The following ARHGAP15 variants were observed in gnomAD, a reference collection of about 807,000 sequenced individuals.
The protein encoded by ARHGAP15 is rho GTPase-activating protein 15.
Under a neutral mutation model 63.7 loss-of-function variants are expected in ARHGAP15, and 51 were observed. The ratio of observed to expected loss-of-function variants is 0.80; its 90% CI spans 0.64 to 1.01. ARHGAP15 has a LOEUF of 1.01. ARHGAP15 is among the 50% of genes least tolerant of loss of function. ARHGAP15 has a pLI of 0.00. For missense variants in ARHGAP15, 560 were observed against 564.6 expected (o/e 0.99, Z 0.08); for synonymous variants, 191 against 193.8 (o/e 0.99, Z 0.12).
intron 13 of ARHGAP15, among the ~76,000 whole-genome samples, chr2:143,743,164 G>A (rs73961850): frequency 5.3e-5 from 8 of 152,328 alleles, no homozygotes; most frequent in African/African-American, 1.9e-4. Context: ...AAACTCAGGT[G>A]AGCCGGGTTT....
intron 8 of ARHGAP15, among the ~76,000 whole-genome samples, chr2:143,481,975 T>C (rs1483758800): frequency 1.3e-5 from 2 of 152,204 alleles, no homozygotes; most frequent in African/African-American, 4.8e-5. Context: ...CCTATTGTTA[T>C]TGAAAATTCT....
intron 12 of ARHGAP15, among the ~76,000 whole-genome samples, chr2:143,666,398 C>T (rs997739171): frequency 2.6e-5 from 4 of 152,244 alleles, no homozygotes; most frequent in African/African-American, 9.6e-5. Flanking sequence ...CGCTTCCTTA[C>T]ACCTTATACA....
At chr2:143,499,715 A>G (rs1348245083) in intron 9 of ARHGAP15, among the ~76,000 whole-genome samples, 1 of 152,064 alleles carries the variant, frequency 6.6e-6, no homozygotes, top group Non-Finnish European at 1.5e-5. Context: ...GGAAGTATAA[A>G]CTGTCATAAT....
intron 13 of ARHGAP15, among the ~76,000 whole-genome samples, chr2:143,716,203 T>C (rs973570254): frequency 2.0e-5 from 3 of 152,160 alleles, no homozygotes; most frequent in Non-Finnish European, 4.4e-5. Flanking sequence ...ACTCTTAATA[T>C]TAAGACTGCA....
At chr2:143,724,800 A>C (rs1187555655) in intron 13 of ARHGAP15, among the ~76,000 whole-genome samples, 1 of 152,240 alleles carries the variant, frequency 6.6e-6, no homozygotes, top group African/African-American at 2.4e-5. Flanking sequence ...AAAGGAAAAA[A>C]ATGTAGAAAA....
chr2:143,631,598 TG>T (rs1699074841), intron 12 of ARHGAP15, among the ~76,000 whole-genome samples: 2 of 152,136 alleles, frequency 1.3e-5, no homozygotes, highest in Non-Finnish European at 2.9e-5. Context: ...ATGTGCTTAT[TG>T]GCCATTCCAT....
At chr2:143,637,487 T>C (rs1232382236) in intron 12 of ARHGAP15, among the ~76,000 whole-genome samples, 1 of 152,010 alleles carries the variant, frequency 6.6e-6, no homozygotes, top group African/African-American at 2.4e-5. Flanking sequence ...TTCAAAAGAC[T>C]TATGTCACCT....
intron 8 of ARHGAP15, among the ~76,000 whole-genome samples, chr2:143,479,904 A>G (rs1289722359): frequency 5.3e-5 from 8 of 151,908 alleles, no homozygotes; most frequent in Non-Finnish European, 1.2e-4. Flanking sequence ...ACTCTGGCTT[A>G]TAAAAGGAAA....
At chr2:143,696,809 C>T (rs1246841029) in intron 12 of ARHGAP15, among the ~76,000 whole-genome samples, 1 of 152,070 alleles carries the variant, frequency 6.6e-6, no homozygotes, top group Non-Finnish European at 1.5e-5. Context: ...AGTTCCAACT[C>T]TCAGGTGATC....
chr2:143,513,564 C>T (rs1693678094), intron 9 of ARHGAP15, among the ~76,000 whole-genome samples: 1 of 152,198 alleles, frequency 6.6e-6, no homozygotes, highest in Non-Finnish European at 1.5e-5. Flanking sequence ...TTCAGTTTCA[C>T]TCCTCTACTG....
At chr2:143,380,977 C>T (rs894811005) in intron 6 of ARHGAP15, among the ~76,000 whole-genome samples, 3 of 152,046 alleles carry the variant, frequency 2.0e-5, no homozygotes, top group African/African-American at 4.8e-5. Flanking sequence ...GTTAGTTAAG[C>T]GAAGCTGTAT....
intron 6 of ARHGAP15, among the ~76,000 whole-genome samples, chr2:143,359,141 A>G (rs1685932826): frequency 1.3e-5 from 2 of 152,312 alleles, no homozygotes; most frequent in South Asian, 4.1e-4. Context: ...ATGTTTTTCT[A>G]TTAAGTGGTA....
At chr2:143,427,977 CT>C (rs1307472511) in intron 6 of ARHGAP15, among the ~76,000 whole-genome samples, 1 of 152,010 alleles carries the variant, frequency 6.6e-6, no homozygotes, top group Non-Finnish European at 1.5e-5. Context: ...CTTAGTGTTC[CT>C]TATGTGTCTG....
intron 13 of ARHGAP15, among the ~76,000 whole-genome samples, chr2:143,714,415 G>C (rs1248516710): frequency 6.6e-6 from 1 of 152,230 alleles, no homozygotes; most frequent in Non-Finnish European, 1.5e-5. Context: ...TGTGATGGGA[G>C]GGGCTGCCAT....
At chr2:143,384,733 G>A (rs899767185) in intron 6 of ARHGAP15, among the ~76,000 whole-genome samples, 1 of 152,252 alleles carries the variant, frequency 6.6e-6, no homozygotes, top group African/African-American at 2.4e-5. Context: ...TCATCTGGAT[G>A]TATTTGTAAG....
At chr2:143,200,349 G>A (rs113998830) in intron 2 of ARHGAP15, among the ~76,000 whole-genome samples, 3,061 of 150,976 alleles carry the variant, frequency 0.02, 111 homozygotes, top group African/African-American at 0.071. Context: ...GTATAGAGTC[G>A]TGGAATTTTT....
At chr2:143,730,929 CTTTTTTTTT>C (rs1191514139) in intron 13 of ARHGAP15, among the ~76,000 whole-genome samples, 2 of 87,326 alleles carry the variant, frequency 2.3e-5, no homozygotes, top group Non-Finnish European at 3.8e-5. Flanking sequence ...GGGAAAAAGG[CTTTTTTTTT>C]TTTTTTTTGA....
chr2:143,215,047 A>C (rs750606575), intron 3 of ARHGAP15, among the ~76,000 whole-genome samples: 3 of 152,204 alleles, frequency 2.0e-5, no homozygotes, highest in African/African-American at 2.4e-5. Flanking sequence ...GAAGCTAGGA[A>C]TCCAGGTGTG....
intron 6 of ARHGAP15, among the ~76,000 whole-genome samples, chr2:143,326,568 C>A (rs757119232): frequency 1.3e-5 from 2 of 152,158 alleles, no homozygotes; most frequent in South Asian, 4.1e-4. Flanking sequence ...ACTTCTCCAA[C>A]AATTAACTCA....
Sources: allele counts gnomAD v4.1 joint callset (sites outside exome capture counted in the v4.1 genomes callset), GRCh38; gene constraint gnomAD v4.1.1; transcripts MANE v1.5; gene names NCBI Gene and HGNC (gene_info 2026-07-23, HGNC 2026-07-21).